Variants in EXOC4 observed in about 807,000 individuals in gnomAD.
The protein encoded by EXOC4 is exocyst complex component 4, also known as SEC8-like 1.
In EXOC4, 71 loss-of-function variants were observed where a neutral mutation model predicts 107.2. The ratio of observed to expected loss-of-function variants is 0.66; its 90% confidence interval spans 0.55 to 0.81. The LOEUF (loss-of-function observed/expected upper bound fraction) is 0.81. EXOC4 is among the 30% of genes least tolerant of loss of function. The probability of loss-of-function intolerance (pLI) is 0.00; values close to 1 mark genes in which losing one functional copy is unlikely to be tolerated. For missense variants in EXOC4, 1,108 were observed against 1,189.6 expected (o/e 0.93, Z 1.01); for synonymous variants, 456 against 441.2 (o/e 1.03, Z -0.42).
intron 9 of EXOC4, among the ~76,000 whole-genome samples, chr7:133,614,945 T>G (rs1289416857): frequency 6.6e-6 from 1 of 152,024 alleles, no homozygotes; most frequent in Non-Finnish European, 1.5e-5. Flanking sequence ...TGCCAGATGA[T>G]GAGGAAGAAG....
chr7:133,968,410 A>G (rs1459298464), intron 14 of EXOC4, among the ~76,000 whole-genome samples: 1 of 152,172 alleles, frequency 6.6e-6, no homozygotes, highest in African/African-American at 2.4e-5. Context: ...TTTGCCCATT[A>G]GTTGATGCAG....
chr7:133,382,501 C>G (rs1423093528), intron 7 of EXOC4, among the ~76,000 whole-genome samples: 1 of 152,086 alleles, frequency 6.6e-6, no homozygotes, highest in Non-Finnish European at 1.5e-5. Flanking sequence ...TTTCTATGTA[C>G]AGTTTTACAC....
chr7:134,025,659 T>G (rs1421923217), intron 17 of EXOC4, among the ~76,000 whole-genome samples: 1 of 152,170 alleles, frequency 6.6e-6, no homozygotes, highest in Non-Finnish European at 1.5e-5. Flanking sequence ...CATGGCTCAG[T>G]TCCTCTCTCT....
At chr7:133,962,774 A>G (rs1413720888) in intron 14 of EXOC4, among the ~76,000 whole-genome samples, 1 of 152,258 alleles carries the variant, frequency 6.6e-6, no homozygotes, top group Non-Finnish European at 1.5e-5. Context: ...TCATAGGAAC[A>G]GATTATATCA....
At chr7:133,516,291 T>C (rs1288930817) in intron 9 of EXOC4, among the ~76,000 whole-genome samples, 1 of 152,152 alleles carries the variant, frequency 6.6e-6, no homozygotes, top group Non-Finnish European at 1.5e-5. Flanking sequence ...CACACCACAG[T>C]CAATTTAAGG....
chr7:133,655,727 G>A (rs1803276221), intron 10 of EXOC4, among the ~76,000 whole-genome samples: 1 of 152,142 alleles, frequency 6.6e-6, no homozygotes, highest in Non-Finnish European at 1.5e-5. Flanking sequence ...CATCTCCTAG[G>A]ATAACAATAC....
intron 9 of EXOC4, among the ~76,000 whole-genome samples, chr7:133,510,810 C>T (rs766438667): frequency 3.3e-5 from 5 of 152,164 alleles, no homozygotes; most frequent in Admixed American, 1.3e-4. Flanking sequence ...TGGTACATAT[C>T]ACACCAGAAG....
At chr7:133,273,173 G>T (rs976481365) in intron 1 of EXOC4, among the ~76,000 whole-genome samples, 1 of 152,176 alleles carries the variant, frequency 6.6e-6, no homozygotes, top group African/African-American at 2.4e-5. Context: ...GAAGTTTTCA[G>T]ATTTAAAGAG....
rs539867917 is a variant in EXOC4, at chr7:133,366,850, G to T, written c.1008-7978G>T. On this transcript the variant is annotated intron_variant, in intron 6 of 17. Transcript: ENST00000253861. The stretch of plus-strand genomic sequence containing the variant: ...CTTACAGTAGAGGGGAAGAGGAAAG[G>T]ACTGGAGGGAAGGAGAGACTAGTTT... Among the ~76,000 whole-genome samples the T allele has an allele frequency of 9.8e-5, 15 of 152,310 alleles. No homozygotes were observed. In the South Asian group the frequency reaches 3.1e-3, roughly 32 times the overall value.
chr7:133,972,073 G>A (rs1436928037), intron 14 of EXOC4, among the ~76,000 whole-genome samples: 9 of 152,044 alleles, frequency 5.9e-5, no homozygotes, highest in Non-Finnish European at 1.0e-4. Flanking sequence ...GGTACCTTAC[G>A]CTGTAGTCAT....
intron 13 of EXOC4, among the ~76,000 whole-genome samples, chr7:133,928,514 GTCCACCA>G (rs1488411538): frequency 1.3e-5 from 2 of 152,032 alleles, no homozygotes; most frequent in Non-Finnish European, 2.9e-5. Context: ...CCACTTCCTA[GTCCACCA>G]TCCTCTTTCA....
At chr7:133,800,688 A>T (rs1796920981) in intron 10 of EXOC4, among the ~76,000 whole-genome samples, 1 of 152,224 alleles carries the variant, frequency 6.6e-6, no homozygotes, top group Admixed American at 6.5e-5. Flanking sequence ...GAAACATTTC[A>T]CAAAGATCCC....
At chr7:133,751,133 C>G (rs1221816152) in intron 10 of EXOC4, among the ~76,000 whole-genome samples, 1 of 152,184 alleles carries the variant, frequency 6.6e-6, no homozygotes. Context: ...TTCATGGTCA[C>G]AAAGGCAGCT....
intron 6 of EXOC4, among the ~76,000 whole-genome samples, chr7:133,368,712 A>G (rs893734056): frequency 6.6e-6 from 1 of 152,026 alleles, no homozygotes; most frequent in Non-Finnish European, 1.5e-5. Flanking sequence ...TAGGATTAAT[A>G]TTTTCTTTCA....
In EXOC4 at chr7:133,906,540, A is replaced by C. The variant is rs369972420; in HGVS notation, c.1871+10805A>C. On this transcript the variant is annotated intron_variant, in intron 12 of 17. Transcript: ENST00000253861. ...CAGCAGGAGGGACAATGATCAGGAT[A>C]TAAACCCAGGCATTCGAGCCGGCAA... Among the ~76,000 whole-genome samples, 320 of 152,368 alleles carry C rather than the reference A, an allele frequency of 2.1e-3. 2 individuals are homozygous for C. Among genetic ancestry groups the C allele is most frequent in the African/African-American group, 7.5e-3 (314 of 41,594 alleles).
At chr7:133,539,593 T>TG (rs141692200) in intron 9 of EXOC4, among the ~76,000 whole-genome samples, 29 of 147,048 alleles carry the variant, frequency 2.0e-4, no homozygotes, top group Non-Finnish European at 3.6e-4. Context: ...GTCTGTGGGG[T>TG]GGGGGGGTAT....
chr7:133,871,159 G>A (rs1052629239), intron 11 of EXOC4, among the ~76,000 whole-genome samples: 2 of 151,994 alleles, frequency 1.3e-5, no homozygotes, highest in Non-Finnish European at 2.9e-5. Flanking sequence ...GTATCTGCAT[G>A]CATCTATTGT....
At chr7:134,097,125 A>G in the EXOC4 span, among the ~76,000 whole-genome samples, 1 of 152,194 alleles carries the variant, frequency 6.6e-6, no homozygotes, top group Non-Finnish European at 1.5e-5. Context: ...AACAATTAAA[A>G]TTAAAAATTT....
chr7:134,043,621 T>A (rs1157495931), intron 17 of EXOC4, among the ~76,000 whole-genome samples: 2 of 152,204 alleles, frequency 1.3e-5, no homozygotes, highest in Non-Finnish European at 2.9e-5. Flanking sequence ...GATAGCAGTT[T>A]CTTCCTGGTC....
Sources: allele counts gnomAD v4.1 joint callset (sites outside exome capture counted in the v4.1 genomes callset), GRCh38; gene constraint gnomAD v4.1.1; transcripts MANE v1.5; gene names NCBI Gene and HGNC (gene_info 2026-07-23, HGNC 2026-07-21).